Variants in FBXO41 observed in about 807,000 individuals in gnomAD.
FBXO41 encodes the protein F-box only protein 41.
Under a neutral mutation model 81.6 loss-of-function variants are expected in FBXO41, and 33 were observed. The ratio of observed to expected loss-of-function variants is 0.40; its 90% CI spans 0.31 to 0.54. The LOEUF (loss-of-function observed/expected upper bound fraction) is 0.54. Among genes scored for constraint, FBXO41 ranks in the 20% least tolerant of loss-of-function variants. FBXO41 has a pLI of 0.39. For synonymous variants in FBXO41, 576 were observed against 552.7 expected (o/e 1.04, Z -0.59); for missense variants, 1,107 against 1,236.0 (o/e 0.90, Z 1.56).
At chr2:73,273,559 G>A (rs531244044) in intron 1 of FBXO41, among the ~76,000 whole-genome samples, 21 of 152,286 alleles carry the variant, frequency 1.4e-4, no homozygotes, top group Middle Eastern at 6.8e-3. Context: ...ACAGTGGTCA[G>A]GTCAGTAATG....
chr2:73,268,809 G>A lies in FBXO41; in HGVS notation c.822C>T (p.Arg274=), dbSNP rs1278082135. 4 of 1,580,674 alleles carry A rather than the reference G, an allele frequency of 2.5e-6. No homozygotes were observed. Among genetic ancestry groups the A allele is most frequent in the Admixed American group, 1.8e-5 (1 of 55,622 alleles). ...GCAGCTCTACGCTCACGTCCACCTG[G>A]CGGGAGAGCTCAGACGCGCGCTCCT... The part of the protein sequence containing the change: ...ELEERASELS[R]QVDVSVELLA... The change falls in exon 2 of 13, where the codon CGC becomes CGT. Residue 274 remains arginine (R), a synonymous_variant. Transcript: ENST00000520530.
Position 73,269,352 on chromosome 2 carries a change from C to T in FBXO41, c.279G>A (p.Glu93=). Residue 93 remains glutamate, a synonymous_variant, in exon 2 of 13, where the codon GAG becomes GAA. Transcript: ENST00000520530. This position sits in a 1 kb window ranked among gnomAD's most constrained non-coding sequence, Gnocchi z 7.0. ...CCGCGGGCGACGGCCCGGCCGCCTG[C>T]TCCTTGCCCTGGAAGGAAGTGCTCT... ...VFESTSFQGK[E]QAAGPSPAAP... 1 of 1,513,462 alleles carries T rather than the reference C, an allele frequency of 6.6e-7. No individual in the cohort carries two copies. Among genetic ancestry groups the T allele is most frequent in the Non-Finnish European group, 8.8e-7 (1 of 1,132,790 alleles). 93.8% of individuals were successfully genotyped at this position (1,513,462 alleles called of 1,614,324 possible).
rs1688692695 is a variant in FBXO41, at chr2:73,276,594, GAGA to G, written c.-138-6829_-138-6827del. On this transcript the variant is annotated intron_variant, in intron 1 of 12. Coordinates refer to ENST00000520530, the MANE Select transcript of FBXO41 (RefSeq NM_001371389.2). Reference sequence around the variant, plus strand: ...AGAGAGAGAGAGAGAGAGAGAGAGAGAGAGAGAGAGGGAGAGAGGGAGAGAGGG... The same window carrying G: ...AGAGAGAGAGAGAGAGAGAGAGAGAGGAGAGAGGGAGAGAGGGAGAGAGGG... Among the ~76,000 whole-genome samples, 3 of 124,210 alleles carry G rather than the reference GAGA, an allele frequency of 2.4e-5. 1 individual carries two copies. In the East Asian group the frequency reaches 1.7e-3, roughly 70 times the overall value. The allele number at this position is 124,210 out of a possible 152,430, so 81.5% of individuals were successfully genotyped here.
At chr2:73,277,353 G>T (rs886269915) in intron 1 of FBXO41, among the ~76,000 whole-genome samples, 1 of 152,208 alleles carries the variant, frequency 6.6e-6, no homozygotes, top group African/African-American at 2.4e-5. Context: ...ATAAAGGCAG[G>T]GGGAGGTAGG....
rs749622243 is a variant in FBXO41 at position 73,264,301 on chromosome 2, C to T, written c.1783G>A (p.Glu595Lys). 4 of 1,613,596 alleles carry T rather than the reference C, an allele frequency of 2.5e-6. No homozygotes were observed. The highest frequency in any genetic ancestry group is 3.4e-6 in the Non-Finnish European group (4 of 1,179,890). The stretch of plus-strand genomic sequence containing the variant: ...ACCTTGGAGCAGACACGGGCATTCT[C>T]AAGCAGCACCCTTGTCCAGACTGCG... ...HPAVWTRVLL[E>K]NARVCSKFLA... The change falls in exon 6 of 13, where the codon GAG becomes AAG. Residue 595 changes from glutamate to lysine, a missense_variant. Around this residue, in one of 2 missense-constraint regions of FBXO41, gnomAD observed 336 missense variants for 446.7 expected, o/e 0.75. Coordinates refer to ENST00000520530, the MANE Select transcript of FBXO41 (RefSeq NM_001371389.2).
At position 73,259,303 on chromosome 2, in the gene FBXO41, A is replaced by G; in HGVS notation, c.2450-7T>C. 6.2e-7 allele frequency: 1 copy of G among 1,612,690 alleles called. No homozygotes were observed. The highest frequency in any genetic ancestry group is 8.5e-7 in the Non-Finnish European group (1 of 1,178,700). ...TTGAGGTTCCGGCAGATGCCTGAGA[A>G]AAGGTGAGCAAAGTAGGGGCGTGTT... is the stretch of plus-strand genomic sequence containing the variant. On this transcript the variant is annotated splice_region_variant and splice_polypyrimidine_tract_variant and intron_variant, in intron 11 of 12. Transcript: ENST00000520530. This position sits in a 1 kb window ranked among gnomAD's most constrained non-coding sequence, Gnocchi z 4.2.
chr2:73,262,766 A>G lies in FBXO41; in HGVS notation c.2171+447T>C, dbSNP rs183830109. Among the ~76,000 whole-genome samples, 903 of 151,874 alleles carry G rather than the reference A, an allele frequency of 5.9e-3. 3 individuals are homozygous for G. The highest frequency in any genetic ancestry group is 9.6e-3 in the Non-Finnish European group (655 of 68,020). Reference sequence around the variant, plus strand: ...ATTTATTTATTTATTTATTTATTAGACGGAGTTTCCATCTTGTTGCCCAGG... The same window carrying G: ...ATTTATTTATTTATTTATTTATTAGGCGGAGTTTCCATCTTGTTGCCCAGG... On this transcript the variant is annotated intron_variant, in intron 9 of 12. Transcript: ENST00000520530.
intron 1 of FBXO41, among the ~76,000 whole-genome samples, chr2:73,273,664 C>T (rs1210527637): frequency 6.6e-6 from 1 of 152,206 alleles, no homozygotes; most frequent in Non-Finnish European, 1.5e-5. Context: ...CATTTTTGCC[C>T]TGTCTTTGAG....
In FBXO41 at chr2:73,266,474, G is replaced by C. The variant is rs200330670; in HGVS notation, c.1114C>G (p.Arg372Gly). Reference protein sequence around the residue: ...GGGGGAGPNARGPGRMREHHV... With the variant: ...GGGGGAGPNAGGPGRMREHHV... ...GCACTCACCATTCTGCCTGGGCCCCGGGCATTGGGTCCAGCACCACCGCCC... is the reference window on the plus strand; with the variant it reads ...GCACTCACCATTCTGCCTGGGCCCCCGGCATTGGGTCCAGCACCACCGCCC... The change falls in exon 3 of 13, where the codon CGG becomes GGG. Residue 372 changes from arginine (R) to glycine (G), a missense_variant. Around this residue, in one of 2 missense-constraint regions of FBXO41, gnomAD observed 771 missense variants for 789.2 expected, o/e 0.98. Transcript: ENST00000520530. This position sits in a 1 kb window ranked among gnomAD's most constrained non-coding sequence, Gnocchi z 5.3. The C allele has an allele frequency of 6.5e-7, 1 of 1,532,164 alleles. No homozygotes were observed. Among genetic ancestry groups the C allele is most frequent in the South Asian group, 1.2e-5 (1 of 83,298 alleles). 94.9% of individuals were successfully genotyped at this position (1,532,164 alleles called of 1,614,324 possible).
rs373447932 is a variant in FBXO41, at chr2:73,264,485, T to C, written c.1599A>G (p.Arg533=). The C allele has an allele frequency of 6.2e-7, 1 of 1,613,638 alleles. No individual in the cohort carries two copies. Among genetic ancestry groups the C allele is most frequent in the Non-Finnish European group, 8.5e-7 (1 of 1,179,872 alleles). ...AGCGTGAGGGGCTGACCCTCTCTGC[T>C]CGCCGACCCCGCCCACTGCCTCCCT... ...RPEGGSGRGR[R]AERVSPSRSN... is the part of the protein sequence containing the mutation. Residue 533 remains arginine (R), a synonymous_variant, in exon 6 of 13, where the codon CGA becomes CGG. Transcript: ENST00000520530.
chr2:73,260,413 G>T lies in FBXO41; in HGVS notation c.2425C>A (p.Pro809Thr). Residue 809 changes from proline to threonine, a missense_variant, in exon 11 of 13, where the codon CCT (proline) becomes ACT (threonine). Coordinates refer to ENST00000520530, the MANE Select transcript of FBXO41 (RefSeq NM_001371389.2). The surrounding 1 kb of genome is among the most constrained non-coding windows in gnomAD (Gnocchi z 5.0). ...MLVLTATPVT[P>T]KALLHFNSIC... ...CTGTTGAAGTGCAGTAGGGCCTTAG[G>T]GGTGACGGGAGTCGCCGTGAGCACC... is the stretch of plus-strand genomic sequence containing the variant. 1 of 1,612,642 alleles carries T rather than the reference G, an allele frequency of 6.2e-7. No individual in the cohort carries two copies. Among genetic ancestry groups the T allele is most frequent in the South Asian group, 1.1e-5 (1 of 90,576 alleles).
intron 1 of FBXO41, among the ~76,000 whole-genome samples, chr2:73,270,026 G>A (rs1442335406): frequency 6.6e-6 from 1 of 152,160 alleles, no homozygotes; most frequent in Non-Finnish European, 1.5e-5. Context: ...ACCTGGAAAC[G>A]ACCCAAGTGC....
Position 73,269,639 on chromosome 2 carries a change from C to T in FBXO41, c.-9G>A. 2 of 1,191,414 alleles carry T rather than the reference C, an allele frequency of 1.7e-6. No individual in the cohort carries two copies. The highest frequency in any genetic ancestry group is 2.1e-6 in the Non-Finnish European group (2 of 961,892). The allele number at this position is 1,191,414 out of a possible 1,614,324, so 73.8% of individuals were successfully genotyped here. Reference sequence around the variant, plus strand: ...AGGTCCAGCGAGGCCATGGCCCCGCCGCCCCCGCGGCACGCGGGCTCCACC... The same window carrying T: ...AGGTCCAGCGAGGCCATGGCCCCGCTGCCCCCGCGGCACGCGGGCTCCACC... On this transcript the variant is annotated 5_prime_UTR_variant, in exon 2 of 13. Transcript: ENST00000520530. The surrounding 1 kb of genome is among the most constrained non-coding windows in gnomAD (Gnocchi z 7.0).
chr2:73,269,062 G>T lies in FBXO41; in HGVS notation c.569C>A (p.Ser190Tyr), dbSNP rs1445166516. 2.4e-5 allele frequency: 37 copies of T among 1,522,868 alleles called. No individual in the cohort carries two copies. The East Asian group carries it at 9.0e-4, about 37-fold the overall frequency. 94.3% of individuals were successfully genotyped at this position (1,522,868 alleles called of 1,614,324 possible). A position where few individuals can be genotyped will look rare whatever the true frequency, so the allele number is the denominator to read the frequency against. Reference sequence around the variant, plus strand: ...GTAGGCCACATCAGCGGGTGAGGGGGACGCGGGCGAAGCGGAGGCAGGCCC... The same window carrying T: ...GTAGGCCACATCAGCGGGTGAGGGGTACGCGGGCGAAGCGGAGGCAGGCCC... ...CPGPASASPA[S>Y]PSPADVAYEE... Residue 190 changes from serine (S) to tyrosine (Y), a missense_variant, in exon 2 of 13, where the codon TCC becomes TAC. By Grantham distance (144) the Ser-to-Tyr change is moderately radical (BLOSUM62 -2). This residue lies in a region of FBXO41 where 771 missense variants were observed against 789.2 expected (regional missense o/e 0.98). Transcript: ENST00000520530. This position sits in a 1 kb window ranked among gnomAD's most constrained non-coding sequence, Gnocchi z 7.0.
chr2:73,265,650 G>C lies in FBXO41; in HGVS notation c.1206-10C>G. The C allele has an allele frequency of 6.7e-7, 1 of 1,498,310 alleles. No individual in the cohort carries two copies. The highest frequency in any genetic ancestry group is 2.3e-5 in the East Asian group (1 of 43,038). 92.8% of individuals were successfully genotyped at this position (1,498,310 alleles called of 1,614,324 possible). ...CACACGGCTGGAGGCCCTGGGGCAG[G>C]GTGGACCACACAGTAAGGGGTAAGA... On this transcript the variant is annotated splice_polypyrimidine_tract_variant and intron_variant, in intron 4 of 12. Transcript: ENST00000520530.
chr2:73,262,371 G>A (rs1688049563), intron 9 of FBXO41, among the ~76,000 whole-genome samples: 1 of 152,230 alleles, frequency 6.6e-6, no homozygotes, highest in Non-Finnish European at 1.5e-5. Flanking sequence ...GGGAGGAGCT[G>A]TCGCGTGGAG....
rs769410533 is a variant in FBXO41, at chr2:73,263,664, G to A, written c.2075+14C>T. On this transcript the variant is annotated intron_variant, in intron 8 of 12. Transcript: ENST00000520530. Reference sequence around the variant, plus strand: ...TTAGAGGGAACAGGCCATGCTTCTAGTCGGTTGACCCACCTGTACGTGACA... The same window carrying A: ...TTAGAGGGAACAGGCCATGCTTCTAATCGGTTGACCCACCTGTACGTGACA... 7 of 1,612,532 alleles carry A rather than the reference G, an allele frequency of 4.3e-6. No homozygotes were observed. The East Asian group carries it at 6.7e-5, about 15-fold the overall frequency.
chr2:73,265,754 C>A, intron 4 of FBXO41, 114 bp from the exon 5 acceptor site: 12 of 1,427,516 alleles, frequency 8.4e-6, no homozygotes, highest in Non-Finnish European at 1.0e-5. Context: ...TTTCCAAAAG[C>A]CCCCTCTGGG....
chr2:73,269,466 C>G lies in FBXO41; in HGVS notation c.165G>C (p.Ala55=), dbSNP rs1314578527. 4.8e-6 allele frequency: 6 copies of G among 1,254,346 alleles called. No individual in the cohort carries two copies. The African/African-American group carries it at 8.0e-5, about 17-fold the overall frequency. 77.7% of individuals were successfully genotyped at this position (1,254,346 alleles called of 1,614,324 possible). ...NSICDGAAAA[A]AAAAAASGFP... ...ACCCCGAGGCAGCGGCGGCGGCGGC[C>G]GCGGCGGCGGCGGCGCCGTCGCAGA... The change falls in exon 2 of 13, where the codon GCG becomes GCC. Residue 55 remains alanine (A), a synonymous_variant. Coordinates refer to ENST00000520530, the MANE Select transcript of FBXO41 (RefSeq NM_001371389.2). This position sits in a 1 kb window ranked among gnomAD's most constrained non-coding sequence, Gnocchi z 7.0.
Sources: allele counts gnomAD v4.1 joint callset (sites outside exome capture counted in the v4.1 genomes callset), GRCh38; gene constraint gnomAD v4.1.1; regional missense constraint gnomAD v4.1.1; non-coding constraint Gnocchi (gnomAD v3.1); transcripts MANE v1.5; gene names NCBI Gene and HGNC (gene_info 2026-07-23, HGNC 2026-07-21).